NLRP12: variants seen among roughly 807,000 people sequenced by gnomAD.
NLRP12 encodes NACHT, LRR and PYD domains-containing protein 12.
NLRP12 carries 108 observed loss-of-function variants against 91.2 expected under a neutral mutation model. The ratio of observed to expected loss-of-function variants is 1.18; its 90% CI spans 1.01 to 1.39. The LOEUF is 1.39. Ranked by LOEUF, NLRP12 falls within the 40% of genes most tolerant of loss-of-function variation. The probability of loss-of-function intolerance (pLI) is 0.00; values close to 1 mark genes in which losing one functional copy is unlikely to be tolerated. For synonymous variants in NLRP12, 613 were observed against 566.7 expected, an observed-to-expected ratio of 1.08 and a Z score of -1.16; for missense variants, 1,530 against 1,352.7, an observed-to-expected ratio of 1.13 and a Z score of -2.06.
chr19:53,803,403 C>G (rs1014785419), intron 6 of NLRP12, among the ~76,000 whole-genome samples: 1 of 151,992 alleles, frequency 6.6e-6, no homozygotes, highest in Non-Finnish European at 1.5e-5. Flanking sequence ...TGGTCTCGAA[C>G]TCCAGACCTC....
chr19:53,819,507 GTATACATA>G, intron 1 of NLRP12, among the ~76,000 whole-genome samples: 1 of 107,268 alleles, frequency 9.3e-6, no homozygotes, highest in African/African-American at 3.5e-5. Flanking sequence ...GTATATATAT[GTATACATA>G]TGTGTATATA....
chr19:53,815,636 T>C (rs1301557643), intron 1 of NLRP12, among the ~76,000 whole-genome samples: 3 of 151,966 alleles, frequency 2.0e-5, no homozygotes, highest in African/African-American at 7.3e-5. Context: ...CGAGACGGAG[T>C]CTGGCTCTGT....
At chr19:53,809,377 A>G (rs1251274768) in intron 3 of NLRP12, among the ~76,000 whole-genome samples, 3 of 151,208 alleles carry the variant, frequency 2.0e-5, no homozygotes, top group African/African-American at 7.3e-5. Context: ...CTAAAAATAC[A>G]AAAATTAGGT....
chr19:53,801,161 G>T, intron 7 of NLRP12, 66 bp downstream of exon 7: 1 of 1,478,840 alleles, frequency 6.8e-7, no homozygotes, highest in Non-Finnish European at 9.4e-7. Context: ...GGCCTCCGTG[G>T]TCCCAGGTGA....
chr19:53,821,125 G>A (rs988240435), intron 1 of NLRP12, among the ~76,000 whole-genome samples: 61 of 130,648 alleles, frequency 4.7e-4, no homozygotes, highest in African/African-American at 1.6e-3. Flanking sequence ...AACCTCCACC[G>A]CCTGGGTTCA....
chr19:53,822,089 CTG>C (rs1254539669), intron 1 of NLRP12, among the ~76,000 whole-genome samples: 1 of 152,042 alleles, frequency 6.6e-6, no homozygotes, highest in Non-Finnish European at 1.5e-5. Flanking sequence ...AGAAGAGACA[CTG>C]GGGACTCGTG....
rs1173484508 is a variant in NLRP12 at position 53,793,996 on chromosome 19, C to T, written c.*53G>A. 5.6e-6 allele frequency: 7 copies of T among 1,249,682 alleles called. No individual in the cohort carries two copies. The highest frequency in any genetic ancestry group is 1.9e-4 in the Middle Eastern group (1 of 5,378). 77.4% of individuals were successfully genotyped at this position (1,249,682 alleles called of 1,614,324 possible). ...ATTATGCTGGGGGGGTGATGAGCACCCTCCCATCTTCCTCTGTCCAGATCT... is the reference window on the plus strand; with the variant it reads ...ATTATGCTGGGGGGGTGATGAGCACTCTCCCATCTTCCTCTGTCCAGATCT... On this transcript the variant is annotated 3_prime_UTR_variant, in exon 10 of 10. Coordinates refer to ENST00000324134, the MANE Select transcript of NLRP12 (RefSeq NM_144687.4).
At chr19:53,805,000 A>C (rs915508312) in intron 5 of NLRP12, among the ~76,000 whole-genome samples, 1 of 152,072 alleles carries the variant, frequency 6.6e-6, no homozygotes, top group African/African-American at 2.4e-5. Context: ...ACTGCACCCC[A>C]ACTTGGGCAA....
At chr19:53,815,719 C>T (rs1305155541) in intron 1 of NLRP12, among the ~76,000 whole-genome samples, 3 of 152,136 alleles carry the variant, frequency 2.0e-5, no homozygotes, top group Admixed American at 6.5e-5. Context: ...AGTGATTCTC[C>T]TGCCTCAGCC....
intron 7 of NLRP12, among the ~76,000 whole-genome samples, chr19:53,798,766 C>T (rs558820992): frequency 1.1e-4 from 17 of 151,906 alleles, no homozygotes; most frequent in Non-Finnish European, 1.9e-4. Context: ...TTTGCGATGG[C>T]GTTTCCCTCT....
At chr19:53,811,408 G>A in intron 2 of NLRP12, 120 bp from the exon 3 acceptor site, 1 of 1,166,064 alleles carries the variant, frequency 8.6e-7, no homozygotes, top group Non-Finnish European at 1.3e-6. Flanking sequence ...CAGCTACTCA[G>A]GAGGCTGAGA....
chr19:53,812,584 C>G (rs2092093488), intron 2 of NLRP12, among the ~76,000 whole-genome samples: 2 of 152,086 alleles, frequency 1.3e-5, no homozygotes, highest in South Asian at 4.2e-4. Flanking sequence ...TCCCAGGAAC[C>G]ACAGGACGAC....
At chr19:53,815,134 G>A (rs969301190) in intron 1 of NLRP12, 146 bp from the exon 2 acceptor site, 3 of 698,882 alleles carry the variant, frequency 4.3e-6, no homozygotes, top group Admixed American at 2.0e-5. Flanking sequence ...TAGGCCGTGT[G>A]TGGGAAATAG....
intron 5 of NLRP12, among the ~76,000 whole-genome samples, chr19:53,804,401 G>GTT (rs71189877): frequency 3.4e-4 from 24 of 71,620 alleles, no homozygotes; most frequent in African/African-American, 4.9e-4. Flanking sequence ...GGGTTTTTTT[G>GTT]TTTTTTTTTT....
At chr19:53,821,602 A>G (rs925694895) in intron 1 of NLRP12, among the ~76,000 whole-genome samples, 1 of 152,078 alleles carries the variant, frequency 6.6e-6, no homozygotes, top group African/African-American at 2.4e-5. Flanking sequence ...CAGGAGGTAG[A>G]GCTTGCAGTG....
chr19:53,815,224 TC>T (rs1385331719), intron 1 of NLRP12, among the ~76,000 whole-genome samples: 1 of 128,118 alleles, frequency 7.8e-6, no homozygotes, highest in African/African-American at 3.2e-5. Context: ...ATCCAATCAG[TC>T]TTTTTTTTTT....
intron 1 of NLRP12, among the ~76,000 whole-genome samples, chr19:53,820,164 G>T (rs1479653775): frequency 6.6e-6 from 1 of 152,110 alleles, no homozygotes; most frequent in Non-Finnish European, 1.5e-5. Flanking sequence ...TCACACAGGG[G>T]AGTCAAGACT....
At position 53,810,705 on chromosome 19, in the gene NLRP12, C is replaced by G; in HGVS notation, c.954G>C (p.Arg318=). ...GPWCLCWEEK[R]PTELLLNSLI... The stretch of plus-strand genomic sequence containing the variant: ...AGCTGTTAAGAAGCAGCTCCGTGGG[C>G]CGTTTCTCCTCCCAGCAGAGGCACC... Residue 318 remains arginine (R), a synonymous_variant, in exon 3 of 10, where the codon CGG becomes CGC. Transcript: ENST00000324134. 1 of 1,613,982 alleles carries G rather than the reference C, an allele frequency of 6.2e-7. No homozygotes were observed. The highest frequency in any genetic ancestry group is 1.1e-5 in the South Asian group (1 of 91,064).
chr19:53,810,194 C>T lies in NLRP12; in HGVS notation c.1465G>A (p.Glu489Lys). ...ATGTTGAGGAAGGCAGAGACGTCTT[C>T]CCCGTCTAGGCCGTGCTTCCGGAGG... ...QDLRKHGLDG[E>K]DVSAFLNMNI... Residue 489 changes from glutamate to lysine, a missense_variant, in exon 3 of 10, where the codon GAA becomes AAA. By Grantham distance (56) the Glu-to-Lys change is moderately conservative (BLOSUM62 1). Transcript: ENST00000324134. The T allele has an allele frequency of 6.2e-7, 1 of 1,614,174 alleles. No individual in the cohort carries two copies. The highest frequency in any genetic ancestry group is 8.5e-7 in the Non-Finnish European group (1 of 1,180,030).
Sources: allele counts gnomAD v4.1 joint callset (sites outside exome capture counted in the v4.1 genomes callset), GRCh38; gene constraint gnomAD v4.1.1; transcripts MANE v1.5; gene names NCBI Gene and HGNC (gene_info 2026-07-23, HGNC 2026-07-21).